The following NBPF9 variants were observed in gnomAD, a reference collection of about 807,000 sequenced individuals.
NBPF9 encodes the protein NBPF family member NBPF9.
Under a neutral mutation model 97.8 loss-of-function variants are expected in NBPF9, and 91 were observed. That is an observed-to-expected ratio of 0.93 (90% CI 0.79 to 1.11). The LOEUF (loss-of-function observed/expected upper bound fraction) is 1.11, where lower values mean the gene tolerates loss of function less well. NBPF9 is among the 50% of genes least tolerant of loss of function. The pLI is 0.00. For missense variants in NBPF9, 992 were observed against 939.5 expected (o/e 1.06, Z -0.73); for synonymous variants, 334 against 359.5 (o/e 0.93, Z 0.80).
chr1:149,062,891 C>A lies in NBPF9; in HGVS notation c.2049G>T (p.Val683=). 3 of 787,978 alleles carry A rather than the reference C, an allele frequency of 3.8e-6. No homozygotes were observed. In the South Asian group the frequency reaches 4.0e-5, roughly 11 times the overall value. The allele number at this position is 787,978 out of a possible 1,614,324, so 48.8% of individuals were successfully genotyped here. A position where few individuals can be genotyped will look rare whatever the true frequency, so the allele number is the denominator to read the frequency against. Residue 683 remains valine (V), a synonymous_variant, in exon 21 of 30, where the codon GTG becomes GTT. Transcript: ENST00000584027. ...GGCATGATGGGTCTTGGTCTTCTTC[C>A]ACTTCTTGGTACTTTTCAATTTCTG... is the stretch of plus-strand genomic sequence containing the variant.
rs587667460 is a variant in NBPF9 at position 149,068,129 on chromosome 1, C to T, written c.1637+1465G>A. 5.8e-4 allele frequency among the ~76,000 whole-genome samples: 86 copies of T among 148,276 alleles called. 1 individual carries two copies. Among genetic ancestry groups the T allele is most frequent in the Non-Finnish European group, 1.1e-3 (74 of 67,870 alleles). ...CTTACAAGAGCTCCTAAAGGAAGCA[C>T]TAAACATGGAAAGGAACAACCGGTA... is the stretch of plus-strand genomic sequence containing the variant. On this transcript the variant is annotated intron_variant, in intron 17 of 29. Transcript: ENST00000584027.
rs587753379 is a variant in NBPF9 at position 149,055,788 on chromosome 1, G to A, written c.3204C>T (p.His1068=). 1,379 of 1,611,428 alleles carry A rather than the reference G, an allele frequency of 8.6e-4. 6 individuals are homozygous for A. Among genetic ancestry groups the A allele is most frequent in the South Asian group, 1.3e-3 (119 of 90,928 alleles). ...CAAATGAGTAAAACACACTTCTGTA[G>A]TGCTGGAATGAGTCAGGTAGTTCAA... Residue 1068 remains histidine (H), a synonymous_variant, in exon 30 of 30, where the codon CAC becomes CAT. Transcript: ENST00000584027.
exon 25 of NBPF9, chr1:149,059,744 C>T: frequency 1.7e-6 from 1 of 588,756 alleles, no homozygotes; most frequent in East Asian, 2.7e-5. Context: ...CTTTTCTTCC[C>T]CTTCTTCTTT....
chr1:149,080,668 T>C (rs1321724692), intron 7 of NBPF9, among the ~76,000 whole-genome samples: 1 of 149,352 alleles, frequency 6.7e-6, no homozygotes, highest in Non-Finnish European at 1.5e-5. Flanking sequence ...ATCTGAAGCA[T>C]AAAGTGTGAG....
intron 4 of NBPF9, among the ~76,000 whole-genome samples, chr1:149,092,998 G>T (rs1375359729): frequency 6.6e-6 from 1 of 151,594 alleles, no homozygotes; most frequent in Non-Finnish European, 1.5e-5. Flanking sequence ...CAGGGGACCG[G>T]CGTTCAGCAT....
In NBPF9 at chr1:149,074,812, T is replaced by C. The variant is rs1164553550; in HGVS notation, c.988+843A>G. Among the ~76,000 whole-genome samples, 64 of 111,834 alleles carry C rather than the reference T, an allele frequency of 5.7e-4. 2 individuals are homozygous for C. Among genetic ancestry groups the C allele is most frequent in the African/African-American group, 1.3e-3 (34 of 26,810 alleles). 73.4% of individuals were successfully genotyped at this position (111,834 alleles called of 152,430 possible). A position where few individuals can be genotyped will look rare whatever the true frequency, so the allele number is the denominator to read the frequency against. ...TATTCTTATTTTTATTTATCATCAT[T>C]ATTATTATTATTATTATTTTTACCA... On this transcript the variant is annotated intron_variant, in intron 12 of 29. Transcript: ENST00000584027.
intron 23 of NBPF9, chr1:149,061,010 C>G: frequency 2.4e-6 from 1 of 415,094 alleles, no homozygotes; most frequent in South Asian, 2.7e-5. Context: ...GAGTTAGTGC[C>G]CTCAGGACAC....
intron 9 of NBPF9, among the ~76,000 whole-genome samples, chr1:149,078,715 C>T (rs372344087): frequency 5.9e-5 from 8 of 136,256 alleles, no homozygotes; most frequent in African/African-American, 1.9e-4. Flanking sequence ...TTCACTCCAA[C>T]AAGCGCCCTC....
intron 5 of NBPF9, 199 bp downstream of exon 5, chr1:149,090,554 A>G (rs2081350044): frequency 7.7e-6 from 4 of 518,994 alleles, no homozygotes; most frequent in East Asian, 3.4e-5. Flanking sequence ...GCCTAATGCA[A>G]TAAAGAATGC....
intron 5 of NBPF9, among the ~76,000 whole-genome samples, chr1:149,086,992 A>G (rs2081055989): frequency 6.6e-6 from 1 of 152,034 alleles, no homozygotes; most frequent in South Asian, 2.1e-4. Context: ...TTTCATTCCT[A>G]CAAGTATAAG....
chr1:149,063,578 G>A (rs2078787273), intron 20 of NBPF9, 55 bp downstream of exon 20: 4 of 613,640 alleles, frequency 6.5e-6, no homozygotes, highest in Admixed American at 3.0e-5. Context: ...GTAGGAATAT[G>A]ACCCTAACCA....
At chr1:149,094,222 AT>A (rs1483175394) in intron 4 of NBPF9, among the ~76,000 whole-genome samples, 5 of 146,338 alleles carry the variant, frequency 3.4e-5, no homozygotes, top group Non-Finnish European at 7.6e-5. Flanking sequence ...TTAATAGCAG[AT>A]TTTAAAAAAT....
chr1:149,064,532 C>A (rs1553651178), intron 18 of NBPF9, 50 bp from the exon 19 acceptor site: 1 of 1,349,264 alleles, frequency 7.4e-7, no homozygotes, highest in Admixed American at 1.7e-5. Flanking sequence ...TCCTTCCTTG[C>A]ACACAGAAAC....
chr1:149,102,400 AAC>A (rs1178248456), intron 2 of NBPF9, among the ~76,000 whole-genome samples: 9 of 150,892 alleles, frequency 6.0e-5, no homozygotes, highest in African/African-American at 2.0e-4. Context: ...AAAAGCTACT[AAC>A]ACATATCAGC....
At chr1:149,082,952 CTTTTCTTTTTTTTT>C (rs2080624132) in intron 5 of NBPF9, among the ~76,000 whole-genome samples, 1 of 60,986 alleles carries the variant, frequency 1.6e-5, no homozygotes, top group Non-Finnish European at 3.2e-5. Context: ...GCTAATTTTT[CTTTTCTTTTTTTTT>C]TTTTTTTTTT....
intron 2 of NBPF9, among the ~76,000 whole-genome samples, chr1:149,101,967 C>T (rs1353214482): frequency 7.9e-6 from 1 of 126,180 alleles, no homozygotes; most frequent in African/African-American, 3.0e-5. Context: ...CTCACTCTGC[C>T]ACCCAGGCGG....
intron 20 of NBPF9, 53 bp downstream of exon 20, chr1:149,063,580 C>A (rs1559520414): frequency 2.1e-5 from 13 of 614,654 alleles, no homozygotes; most frequent in Non-Finnish European, 3.7e-5. Flanking sequence ...AGGAATATGA[C>A]CCTAACCAGA....
At chr1:149,062,497 G>A (rs868988945) in intron 21 of NBPF9, among the ~76,000 whole-genome samples, 12 of 144,706 alleles carry the variant, frequency 8.3e-5, no homozygotes, top group African/African-American at 3.1e-4. Flanking sequence ...TGAGCTCAGC[G>A]AATTGGCCGG....
intron 14 of NBPF9, among the ~76,000 whole-genome samples, chr1:149,072,425 A>G (rs1426935403): frequency 6.6e-6 from 1 of 152,086 alleles, no homozygotes; most frequent in African/African-American, 2.4e-5. Context: ...TTTCACTCTA[A>G]CAAGCCTGCT....
Sources: gnomAD v4.1 joint callset for allele counts (sites outside exome capture counted in the v4.1 genomes callset) on GRCh38, gnomAD v4.1.1 for gene constraint, MANE v1.5 for transcripts, NCBI Gene and HGNC (gene_info 2026-07-23, HGNC 2026-07-21) for gene names.